MAF: variants seen among roughly 807,000 people sequenced by gnomAD.
The protein encoded by MAF is MAF bZIP transcription factor, also known as transcription factor Maf.
A neutral mutation model predicts 22.0 loss-of-function variants in MAF; 10 were observed. That is an observed-to-expected ratio of 0.45 (90% CI 0.28 to 0.77). The LOEUF (loss-of-function observed/expected upper bound fraction) is 0.77. MAF is among the 30% of genes least tolerant of loss of function. The pLI, the probability that MAF is intolerant of heterozygous loss-of-function variation, is 0.12. For synonymous variants in MAF, 337 were observed against 255.8 expected, an observed-to-expected ratio of 1.32 and a Z score of -3.03; for missense variants, 544 against 548.4, an observed-to-expected ratio of 0.99 and a Z score of 0.08.
the MAF span, among the ~76,000 whole-genome samples, chr16:79,406,960 C>T: frequency 6.6e-6 from 1 of 152,154 alleles, no homozygotes; most frequent in African/African-American, 2.4e-5. Context: ...GCAAACCGAA[C>T]AGGCAGACTT....
At chr16:79,374,531 A>T in the MAF span, among the ~76,000 whole-genome samples, 1 of 152,098 alleles carries the variant, frequency 6.6e-6, no homozygotes, top group Non-Finnish European at 1.5e-5. Context: ...ATCCTTTTCC[A>T]GTGACACCTG....
chr16:79,596,805 A>T (rs1913553598), intron 1 of MAF: 23 of 1,049,212 alleles, frequency 2.2e-5, no homozygotes, highest in Middle Eastern at 4.3e-4. Flanking sequence ...ACTGTAAAAA[A>T]ATCTGCATCA....
chr16:79,346,679 T>C, the MAF span, among the ~76,000 whole-genome samples: 1 of 152,212 alleles, frequency 6.6e-6, no homozygotes, highest in Non-Finnish European at 1.5e-5. Context: ...GGAATCCATA[T>C]GTCTTCTACA....
chr16:79,580,173 C>G, the MAF span, among the ~76,000 whole-genome samples: 11 of 152,252 alleles, frequency 7.2e-5, no homozygotes, highest in Non-Finnish European at 1.5e-4. Context: ...CCAAAACACT[C>G]CAACACTAAC....
chr16:79,306,211 A>G, the MAF span, among the ~76,000 whole-genome samples: 3 of 152,310 alleles, frequency 2.0e-5, no homozygotes, highest in African/African-American at 7.2e-5. Flanking sequence ...GACTGCCCCA[A>G]AGCGTCAAAT....
chr16:79,413,232 T>G, the MAF span, among the ~76,000 whole-genome samples: 3 of 31,322 alleles, frequency 9.6e-5, no homozygotes, highest in Admixed American at 4.6e-4. Flanking sequence ...TTTTTTTTTT[T>G]TTTTTTTTTT....
At chr16:79,347,362 A>G in the MAF span, among the ~76,000 whole-genome samples, 1 of 152,226 alleles carries the variant, frequency 6.6e-6, no homozygotes, top group Admixed American at 6.5e-5. Context: ...AGACAGCAGC[A>G]TGCGAGTAGC....
chr16:79,593,777 A>AT (rs11307570), downstream of MAF: 43,632 of 172,360 alleles, frequency 0.25, 5,336 homozygotes, highest in East Asian at 0.44. Context: ...AAAGGAGGTG[A>AT]TTTTTTTTTT....
At chr16:79,449,655 G>C in the MAF span, among the ~76,000 whole-genome samples, 2 of 152,176 alleles carry the variant, frequency 1.3e-5, no homozygotes, top group African/African-American at 4.8e-5. Context: ...CTCTAGGGAA[G>C]GGTCTCCCAC....
chr16:79,508,157 C>T, the MAF span, among the ~76,000 whole-genome samples: 15 of 152,258 alleles, frequency 9.9e-5, no homozygotes, highest in Middle Eastern at 6.8e-3. Context: ...ATTGCAAACC[C>T]TGAGCCACTG....
the MAF span, among the ~76,000 whole-genome samples, chr16:79,289,867 T>TTTTC: frequency 4.9e-4 from 58 of 118,530 alleles, 3 homozygotes; most frequent in Admixed American, 9.6e-4. Flanking sequence ...TTTTTTTTTT[T>TTTTC]TGTGAGACGG....
chr16:79,582,607 G>A (rs778752301), downstream of MAF, among the ~76,000 whole-genome samples: 22 of 152,322 alleles, frequency 1.4e-4, no homozygotes, highest in Admixed American at 2.0e-4. Context: ...TGTATGGAAA[G>A]GGGGTGATGT....
the MAF span, among the ~76,000 whole-genome samples, chr16:79,573,658 T>A: frequency 6.6e-6 from 1 of 152,218 alleles, no homozygotes; most frequent in South Asian, 2.1e-4. Context: ...AATGAAATCT[T>A]AAAATAATTA....
chr16:79,409,345 A>G, the MAF span, among the ~76,000 whole-genome samples: 1 of 152,212 alleles, frequency 6.6e-6, no homozygotes, highest in Admixed American at 6.5e-5. Context: ...AATCTGTACA[A>G]GAAGACTCCC....
At chr16:79,242,518 T>G in the MAF span, among the ~76,000 whole-genome samples, 1 of 151,884 alleles carries the variant, frequency 6.6e-6, no homozygotes, top group Non-Finnish European at 1.5e-5. Flanking sequence ...CCTAAATATA[T>G]ATGCACCCAA....
chr16:79,429,721 G>GA, the MAF span, among the ~76,000 whole-genome samples: 51 of 152,150 alleles, frequency 3.4e-4, no homozygotes, highest in African/African-American at 1.2e-4. Context: ...GCTGGAAAAG[G>GA]AAAAAAACAT....
chr16:79,485,860 G>A, the MAF span, among the ~76,000 whole-genome samples: 3 of 152,254 alleles, frequency 2.0e-5, no homozygotes, highest in Admixed American at 6.5e-5. Flanking sequence ...GAGAGCATAT[G>A]AATGAATTAG....
At chr16:79,521,911 G>T in the MAF span, among the ~76,000 whole-genome samples, 2 of 152,086 alleles carry the variant, frequency 1.3e-5, no homozygotes, top group African/African-American at 4.8e-5. Flanking sequence ...AACAATGCTG[G>T]GCTCTGGGGA....
the MAF span, among the ~76,000 whole-genome samples, chr16:79,574,756 G>A: frequency 4.6e-5 from 7 of 152,274 alleles, no homozygotes; most frequent in East Asian, 5.8e-4. Flanking sequence ...CACCTTACCT[G>A]ACTGCCTTGG....
Sources: gnomAD v4.1 joint callset for allele counts (sites outside exome capture counted in the v4.1 genomes callset) on GRCh38, gnomAD v4.1.1 for gene constraint, MANE v1.5 for transcripts, NCBI Gene and HGNC (gene_info 2026-07-23, HGNC 2026-07-21) for gene names.